The following GRID2 variants were observed in gnomAD, a reference collection of about 807,000 sequenced individuals.
The protein encoded by GRID2 is glutamate ionotropic receptor delta type subunit 2, also known as glutamate receptor ionotropic, delta-2.
Under a neutral mutation model 114.8 loss-of-function variants are expected in GRID2, and 33 were observed. That is an observed-to-expected ratio of 0.29 (90% confidence interval 0.22 to 0.38). The LOEUF (loss-of-function observed/expected upper bound fraction) is 0.38. Among genes scored for constraint, GRID2 ranks in the 10% least tolerant of loss-of-function variants. The probability of loss-of-function intolerance (pLI) is 1.00; values close to 1 mark genes in which losing one functional copy is unlikely to be tolerated. For synonymous variants in GRID2, 505 were observed against 449.9 expected (o/e 1.12, Z -1.55); for missense variants, 1,184 against 1,257.7 (o/e 0.94, Z 0.89).
chr4:93,092,155 G>C (rs1015743448), intron 3 of GRID2, among the ~76,000 whole-genome samples: 1 of 152,058 alleles, frequency 6.6e-6, no homozygotes, highest in Non-Finnish European at 1.5e-5. Context: ...CAACAACACT[G>C]GAAGTCTGTT....
chr4:92,781,532 T>C (rs1429711857), intron 2 of GRID2, among the ~76,000 whole-genome samples: 3 of 152,138 alleles, frequency 2.0e-5, no homozygotes, highest in African/African-American at 7.2e-5. Flanking sequence ...CAACACATTA[T>C]TATTAAAATG....
intron 2 of GRID2, among the ~76,000 whole-genome samples, chr4:92,694,088 C>A (rs1365134551): frequency 2.0e-5 from 3 of 152,050 alleles, no homozygotes; most frequent in African/African-American, 7.2e-5. Context: ...CAGCAACATA[C>A]AAATGTGCTA....
At chr4:92,920,909 G>C (rs1313991080) in intron 2 of GRID2, among the ~76,000 whole-genome samples, 1 of 152,038 alleles carries the variant, frequency 6.6e-6, no homozygotes, top group South Asian at 2.1e-4. Flanking sequence ...TGCTAGATTG[G>C]GGAAGTTCTC....
At position 93,188,272 on chromosome 4, in the gene GRID2, C is replaced by A. The variant is rs1488984449; in HGVS notation, c.736-19132C>A. Among the ~76,000 whole-genome samples, 3 of 151,828 alleles carry A rather than the reference C, an allele frequency of 2.0e-5. No homozygotes were observed. In the East Asian group the frequency reaches 5.8e-4, roughly 29 times the overall value. On this transcript the variant is annotated intron_variant, in intron 4 of 15. Transcript: ENST00000282020. ...TCCGTGCCTCCACAGCTCATAAATT[C>A]TGTGCATCTACACCTGTGGAGATGG...
Position 93,764,815 on chromosome 4 carries a change from A to C in GRID2, c.2361-4395A>C, listed in dbSNP as rs1300464889. 2.0e-5 allele frequency among the ~76,000 whole-genome samples: 3 copies of C among 152,228 alleles called. No individual in the cohort carries two copies. The East Asian group carries it at 5.8e-4, about 29-fold the overall frequency. On this transcript the variant is annotated intron_variant, in intron 14 of 15. Transcript: ENST00000282020. ...CAGTAACTCTTTGCTCTCTATGAGC[A>C]AATACTGCCATCTTGTGGAAATTGC... is the stretch of plus-strand genomic sequence containing the variant.
intron 1 of GRID2, among the ~76,000 whole-genome samples, chr4:92,561,403 T>C (rs935356587): frequency 1.6e-4 from 24 of 152,220 alleles, no homozygotes; most frequent in African/African-American, 5.8e-4. Flanking sequence ...TTACATTTAC[T>C]TAAATCACTT....
At chr4:93,715,390 C>T (rs1728822748) in intron 14 of GRID2, among the ~76,000 whole-genome samples, 1 of 152,076 alleles carries the variant, frequency 6.6e-6, no homozygotes, top group African/African-American at 2.4e-5. Flanking sequence ...GTTCTTTTTG[C>T]TTAGGATTGT....
chr4:93,705,000 C>G (rs1417178256), intron 14 of GRID2, among the ~76,000 whole-genome samples: 4 of 152,036 alleles, frequency 2.6e-5, no homozygotes, highest in Non-Finnish European at 5.9e-5. Flanking sequence ...CATGGTAACT[C>G]TATTTTTAGT....
At chr4:93,161,988 T>C (rs1029982894) in intron 4 of GRID2, among the ~76,000 whole-genome samples, 4 of 151,854 alleles carry the variant, frequency 2.6e-5, no homozygotes, top group African/African-American at 9.7e-5. Flanking sequence ...CAATTTCTAA[T>C]ATATTTCCAA....
intron 1 of GRID2, among the ~76,000 whole-genome samples, chr4:92,365,713 G>A (rs1001498844): frequency 3.9e-5 from 6 of 151,926 alleles, no homozygotes; most frequent in Admixed American, 3.3e-4. Context: ...ATTCCACATT[G>A]TATACATACA....
intron 8 of GRID2, among the ~76,000 whole-genome samples, chr4:93,286,641 A>C (rs1300785747): frequency 1.3e-5 from 2 of 151,464 alleles, no homozygotes; most frequent in Non-Finnish European, 2.9e-5. Context: ...CGGAAACTTC[A>C]ATTGTGAGCC....
At chr4:92,690,292 G>A (rs979816287) in intron 2 of GRID2, among the ~76,000 whole-genome samples, 4 of 152,054 alleles carry the variant, frequency 2.6e-5, no homozygotes, top group African/African-American at 9.7e-5. Flanking sequence ...CCATACTGTT[G>A]TGTCCTAAGT....
At position 92,590,187 on chromosome 4, in the gene GRID2, G is replaced by C. The variant is rs1728641669; in HGVS notation, c.145G>C (p.Gly49Arg). The C allele has an allele frequency of 6.2e-7, 1 of 1,611,294 alleles. No individual in the cohort carries two copies. The highest frequency in any genetic ancestry group is 8.5e-7 in the Non-Finnish European group (1 of 1,177,514). ...KDDEVFRTAV[G>R]DLNQNEEILQ... The stretch of plus-strand genomic sequence containing the variant: ...TGATGAGGTATTTCGCACTGCGGTT[G>C]GTGACCTTAACCAGAATGAGGAGAT... The change falls in exon 2 of 16, where the codon GGT becomes CGT. Residue 49 changes from glycine (G) to arginine (R), a missense_variant. This residue lies in a region of GRID2 where 455 missense variants were observed against 429.5 expected (regional missense o/e 1.06). Transcript: ENST00000282020.
intron 2 of GRID2, among the ~76,000 whole-genome samples, chr4:92,795,053 A>G (rs889742658): frequency 2.6e-5 from 4 of 151,520 alleles, no homozygotes; most frequent in Non-Finnish European, 5.9e-5. Context: ...CTTCATTCTC[A>G]TCATCTTCAC....
chr4:92,433,056 T>C (rs1033317603), intron 1 of GRID2, among the ~76,000 whole-genome samples: 1 of 152,120 alleles, frequency 6.6e-6, no homozygotes, highest in Non-Finnish European at 1.5e-5. Context: ...CGCTGGGACC[T>C]GGGATGGGGG....
At chr4:93,414,497 G>T (rs1333620394) in intron 9 of GRID2, among the ~76,000 whole-genome samples, 1 of 151,922 alleles carries the variant, frequency 6.6e-6, no homozygotes, top group Non-Finnish European at 1.5e-5. Flanking sequence ...CCACGCTAGT[G>T]TCTCTTCTGT....
At chr4:92,590,416 G>T in intron 2 of GRID2, 130 bp downstream of exon 2, 1 of 631,338 alleles carries the variant, frequency 1.6e-6, no homozygotes. Flanking sequence ...ATTTTCCTTG[G>T]AGATCACTGT....
chr4:92,398,510 G>A (rs978100437), intron 1 of GRID2, among the ~76,000 whole-genome samples: 3 of 151,816 alleles, frequency 2.0e-5, no homozygotes, highest in Non-Finnish European at 4.4e-5. Context: ...TGTTGCCCAA[G>A]CTGGTCTCAA....
chr4:93,258,515 G>A (rs1401721061), intron 8 of GRID2, among the ~76,000 whole-genome samples: 3 of 151,556 alleles, frequency 2.0e-5, no homozygotes. Context: ...TGGAAAAAAT[G>A]GAGGTGTTTT....
Sources: allele counts gnomAD v4.1 joint callset (sites outside exome capture counted in the v4.1 genomes callset), GRCh38; gene constraint gnomAD v4.1.1; regional missense constraint gnomAD v4.1.1; transcripts MANE v1.5; gene names NCBI Gene and HGNC (gene_info 2026-07-23, HGNC 2026-07-21).